Variants in LVRN observed in about 807,000 individuals in gnomAD.
LVRN encodes laeverin.
Under a neutral mutation model 111.4 loss-of-function variants are expected in LVRN, and 99 were observed. The ratio of observed to expected loss-of-function variants is 0.89; its 90% CI spans 0.76 to 1.05. The LOEUF is 1.05. LVRN is among the 50% of genes least tolerant of loss of function. The pLI, the probability that LVRN is intolerant of heterozygous loss-of-function variation, is 0.00. For synonymous variants in LVRN, 488 were observed against 449.5 expected (o/e 1.09, Z -1.08); for missense variants, 1,414 against 1,206.8 (o/e 1.17, Z -2.54).
intron 18 of LVRN, among the ~76,000 whole-genome samples, chr5:116,018,360 T>G (rs80096054): frequency 0.021 from 3,211 of 152,176 alleles, 121 homozygotes; most frequent in African/African-American, 0.073. Flanking sequence ...TATTTAATCT[T>G]TTAATGTGTT....
In LVRN at chr5:116,003,386, G is replaced by T. The variant is rs751526605; in HGVS notation, c.2037+6G>T. On this transcript the variant is annotated splice_donor_region_variant and intron_variant, in intron 12 of 19. Coordinates refer to ENST00000357872, the MANE Select transcript of LVRN (RefSeq NM_173800.5). The stretch of plus-strand genomic sequence containing the variant: ...AACTTGAAAAGGATCCTAAGGTAAG[G>T]TTACTTTTGATACTTTTAATTAAAT... The T allele has an allele frequency of 2.1e-5, 29 of 1,384,196 alleles. No individual in the cohort carries two copies. The highest frequency in any genetic ancestry group is 2.7e-5 in the Non-Finnish European group (28 of 1,020,282). 85.7% of individuals were successfully genotyped at this position (1,384,196 alleles called of 1,614,324 possible).
intron 1 of LVRN, among the ~76,000 whole-genome samples, chr5:115,974,212 T>C (rs1471559717): frequency 6.6e-6 from 1 of 152,188 alleles, no homozygotes; most frequent in African/African-American, 2.4e-5. Flanking sequence ...AATGCATTCC[T>C]AGAAGAGAAA....
At chr5:116,012,327 G>T (rs1419069653) in intron 14 of LVRN, 47 bp from the exon 15 acceptor site, 4 of 1,008,840 alleles carry the variant, frequency 4.0e-6, no homozygotes, top group African/African-American at 1.7e-5. Flanking sequence ...TGAAAATTCA[G>T]TGTTTGCAAG....
At chr5:115,998,092 G>T (rs1464412945) in intron 6 of LVRN, among the ~76,000 whole-genome samples, 1 of 152,168 alleles carries the variant, frequency 6.6e-6, no homozygotes, top group Admixed American at 6.5e-5. Context: ...ACAGCAAAAA[G>T]CTGAAAGTAA....
At chr5:116,020,506 G>T (rs1748704469) in intron 18 of LVRN, among the ~76,000 whole-genome samples, 1 of 152,148 alleles carries the variant, frequency 6.6e-6, no homozygotes, top group African/African-American at 2.4e-5. Flanking sequence ...TCTTCACTAA[G>T]CACTTGATTT....
Position 116,012,431 on chromosome 5 carries a change from G to A in LVRN, c.2305G>A (p.Glu769Lys). The A allele has an allele frequency of 2.6e-6, 4 of 1,549,204 alleles. No individual in the cohort carries two copies. The highest frequency in any genetic ancestry group is 3.5e-6 in the Non-Finnish European group (4 of 1,128,616). Reference sequence around the variant, plus strand: ...GAATATTTATTCAACTATAATTCGTGAAAATGTGTTGGCATTACAAGATGA... The same window carrying A: ...GAATATTTATTCAACTATAATTCGTAAAAATGTGTTGGCATTACAAGATGA... ...IWNIYSTIIR[E>K]NVLALQDDYL... The change falls in exon 15 of 20, where the codon GAA (glutamate) becomes AAA (lysine). Residue 769 changes from glutamate to lysine, a missense_variant. By Grantham distance (56) the Glu-to-Lys change is moderately conservative. Coordinates refer to ENST00000357872, the MANE Select transcript of LVRN (RefSeq NM_173800.5).
At chr5:115,985,240 C>T (rs567411387) in intron 3 of LVRN, among the ~76,000 whole-genome samples, 18 of 152,202 alleles carry the variant, frequency 1.2e-4, no homozygotes, top group Admixed American at 5.2e-4. Context: ...ATAAACAAAG[C>T]GACCCCCAAA....
intron 4 of LVRN, among the ~76,000 whole-genome samples, chr5:115,989,725 CT>C (rs1747942688): frequency 6.6e-6 from 1 of 152,172 alleles, no homozygotes; most frequent in African/African-American, 2.4e-5. Context: ...ACATTTGATA[CT>C]TTCTTTGTAA....
At chr5:115,979,038 C>G (rs1753507842) in intron 1 of LVRN, among the ~76,000 whole-genome samples, 1 of 152,124 alleles carries the variant, frequency 6.6e-6, no homozygotes, top group African/African-American at 2.4e-5. Context: ...CCCCTAGACA[C>G]CAAGCAGCGT....
chr5:115,968,191 C>T (rs1301777270), intron 1 of LVRN, among the ~76,000 whole-genome samples: 1 of 151,958 alleles, frequency 6.6e-6, no homozygotes, highest in African/African-American at 2.4e-5. Context: ...AAGTTTTTAG[C>T]CTTTACAACT....
intron 18 of LVRN, among the ~76,000 whole-genome samples, chr5:116,016,605 A>G (rs1474368184): frequency 5.3e-5 from 8 of 152,212 alleles, no homozygotes; most frequent in Admixed American, 5.2e-4. Context: ...CAGTTCTGAA[A>G]TTGTTTTAAC....
At position 115,998,561 on chromosome 5, in the gene LVRN, C is replaced by T. The variant is rs547529544; in HGVS notation, c.1375-1201C>T. On this transcript the variant is annotated intron_variant, in intron 6 of 19. Transcript: ENST00000357872. ...TTTCTACATTGTGCTTATAGGTCAC[C>T]AGTGAGACACTCTCAAGAAGCCTTG... is the stretch of plus-strand genomic sequence containing the variant. Among the ~76,000 whole-genome samples, 9 of 152,170 alleles carry T rather than the reference C, an allele frequency of 5.9e-5. No individual in the cohort carries two copies. In the South Asian group the frequency reaches 6.2e-4, roughly 11 times the overall value.
intron 1 of LVRN, among the ~76,000 whole-genome samples, chr5:115,972,092 G>C (rs1753339364): frequency 6.6e-6 from 1 of 152,002 alleles, no homozygotes; most frequent in South Asian, 2.1e-4. Flanking sequence ...GAATTCAGTT[G>C]AAAATTTGTA....
chr5:115,974,430 T>A (rs764238962), intron 1 of LVRN: 3 of 152,242 alleles, frequency 2.0e-5, no homozygotes, highest in Non-Finnish European at 4.4e-5. Context: ...AAACCTAGTT[T>A]ATGAAAGCAG....
chr5:116,005,953 CT>C lies in LVRN; in HGVS notation c.2083del (p.Ser695ProfsTer16). 1.3e-6 allele frequency: 2 copies of C among 1,592,336 alleles called. No individual in the cohort carries two copies. Among genetic ancestry groups the C allele is most frequent in the Non-Finnish European group, 1.7e-6 (2 of 1,160,544 alleles). On this transcript the variant is annotated frameshift_variant, in exon 13 of 20. Transcript: ENST00000357872. LOFTEE classifies it high-confidence loss of function. ...ACAGACTGCAGTTGATTGATGATGC[CT>C]TTTCCTTGTCTAAGTGAGTATATTT... Reference protein sequence around the residue: ...IHRLQLIDDAFSLSKNNYIEI... With the variant: ...IHRLQLIDDAXSLSKNNYIEI...
At chr5:116,002,722 A>G in intron 10 of LVRN, 113 bp from the exon 11 acceptor site, 1 of 741,896 alleles carries the variant, frequency 1.3e-6, no homozygotes, top group Non-Finnish European at 2.2e-6. Flanking sequence ...TCTAGAGAGA[A>G]TGACCAAAGA....
At chr5:115,976,265 T>C (rs1056865882) in intron 1 of LVRN, 1 of 152,336 alleles carries the variant, frequency 6.6e-6, no homozygotes, top group Non-Finnish European at 1.5e-5. Context: ...ACCCAGATAA[T>C]GGCATTGGCT....
rs550192515 is a variant in LVRN, at chr5:115,967,805, T to A, written c.695+4493T>A. Among the ~76,000 whole-genome samples, 12 of 152,328 alleles carry A rather than the reference T, an allele frequency of 7.9e-5. No homozygotes were observed. The South Asian group carries it at 1.5e-3, about 18-fold the overall frequency. ...TTTTTAGCATACAAATCCTACACATTTTGTTAGATTCACACTTAAATATTT... is the reference window on the plus strand; with the variant it reads ...TTTTTAGCATACAAATCCTACACATATTGTTAGATTCACACTTAAATATTT... On this transcript the variant is annotated intron_variant, in intron 1 of 19. Transcript: ENST00000357872.
intron 18 of LVRN, chr5:116,019,830 C>T (rs1284565820): frequency 6.6e-6 from 1 of 152,178 alleles, no homozygotes; most frequent in Non-Finnish European, 1.5e-5. Context: ...CAAACAAATA[C>T]CATCTCAGGT....
Sources: gnomAD v4.1 joint callset for allele counts (sites outside exome capture counted in the v4.1 genomes callset) on GRCh38, gnomAD v4.1.1 for gene constraint, MANE v1.5 for transcripts, NCBI Gene and HGNC (gene_info 2026-07-23, HGNC 2026-07-21) for gene names.